Variants in ANKS1A observed in about 807,000 individuals in gnomAD.
The protein encoded by ANKS1A is ankyrin repeat and SAM domain-containing protein 1A.
Under a neutral mutation model 120.3 loss-of-function variants are expected in ANKS1A, and 55 were observed. That is an observed-to-expected ratio of 0.46 (90% CI 0.37 to 0.57). The LOEUF (loss-of-function observed/expected upper bound fraction) is 0.57, where lower values mean the gene tolerates loss of function less well. ANKS1A is among the 20% of genes least tolerant of loss of function. ANKS1A has a pLI of 0.00. For missense variants in ANKS1A, 1,123 were observed against 1,480.3 expected, an observed-to-expected ratio of 0.76 and a Z score of 3.96; for synonymous variants, 590 against 604.7, an observed-to-expected ratio of 0.98 and a Z score of 0.36.
chr6:34,989,288 A>G lies in ANKS1A; in HGVS notation c.1274A>G (p.Lys425Arg). The G allele has an allele frequency of 6.2e-7, 1 of 1,614,078 alleles. No individual in the cohort carries two copies. The highest frequency in any genetic ancestry group is 8.5e-7 in the Non-Finnish European group (1 of 1,179,930). Residue 425 changes from lysine (K) to arginine (R), a missense_variant, in exon 9 of 24, where the codon AAG becomes AGG. Around this residue, in one of 3 missense-constraint regions of ANKS1A, gnomAD observed 904 missense variants for 1,130.4 expected, o/e 0.80. Coordinates refer to ENST00000360359, the MANE Select transcript of ANKS1A (RefSeq NM_015245.3). ...PDEEEEDHIDKKYFPLTASEV... is the reference protein window; with the variant it reads ...PDEEEEDHIDRKYFPLTASEV... ...GAAGAGGAAGAAGACCACATAGATAAGAAGTATTTTCCCTTGACAGCTTCT... is the reference window on the plus strand; with the variant it reads ...GAAGAGGAAGAAGACCACATAGATAGGAAGTATTTTCCCTTGACAGCTTCT...
In ANKS1A at chr6:35,057,051, G is replaced by C. The variant is rs1281983091; in HGVS notation, c.2077+2886G>C. Among the ~76,000 whole-genome samples the C allele has an allele frequency of 2.0e-5, 3 of 152,070 alleles. No homozygotes were observed. Among genetic ancestry groups the C allele is most frequent in the African/African-American group, 7.2e-5 (3 of 41,416 alleles). On this transcript the variant is annotated intron_variant, in intron 12 of 23. Transcript: ENST00000360359. This position sits in a 1 kb window ranked among gnomAD's most constrained non-coding sequence, Gnocchi z 4.1. ...CTCTGGGGTTAGTCTGGGTAGAGGAGGAGCAGGCCCTCCAGCAGGCAGCCC... is the reference window on the plus strand; with the variant it reads ...CTCTGGGGTTAGTCTGGGTAGAGGACGAGCAGGCCCTCCAGCAGGCAGCCC...
chr6:34,889,736 C>A lies in ANKS1A; in HGVS notation c.197+137C>A. The A allele has an allele frequency of 8.8e-7, 1 of 1,136,882 alleles. No homozygotes were observed. The highest frequency in any genetic ancestry group is 1.1e-6 in the Non-Finnish European group (1 of 921,830). The allele number at this position is 1,136,882 out of a possible 1,614,324, so 70.4% of individuals were successfully genotyped here. On this transcript the variant is annotated intron_variant, in intron 1 of 23. Transcript: ENST00000360359. This position sits in a 1 kb window ranked among gnomAD's most constrained non-coding sequence, Gnocchi z 5.5. ...GCGTGCCCGGGGCGAGGCAGGCGGCCCGCGGGCCAGGGTACCGGAGGGCGC... is the reference window on the plus strand; with the variant it reads ...GCGTGCCCGGGGCGAGGCAGGCGGCACGCGGGCCAGGGTACCGGAGGGCGC...
intron 1 of ANKS1A, among the ~76,000 whole-genome samples, chr6:34,901,207 T>C (rs1767334827): frequency 6.6e-6 from 1 of 152,106 alleles, no homozygotes; most frequent in Admixed American, 6.6e-5. Context: ...TTTGAAGTTA[T>C]TTCCAACTCT....
rs72896227 is a variant in ANKS1A, at chr6:35,009,470, A to C, written c.1424-8003A>C. ...ATTAAATCCGGTTTCAAATGTGTTA[A>C]GTTTGAGGTGTTTTAGGTACCAGAG... On this transcript the variant is annotated intron_variant, in intron 10 of 23. Transcript: ENST00000360359. Among the ~76,000 whole-genome samples the C allele has an allele frequency of 9.9e-3, 1,507 of 152,222 alleles. 7 individuals are homozygous for C. The highest frequency in any genetic ancestry group is 0.016 in the Non-Finnish European group (1,059 of 68,014).
At chr6:34,962,728 G>A (rs1422432181) in intron 1 of ANKS1A, among the ~76,000 whole-genome samples, 1 of 151,832 alleles carries the variant, frequency 6.6e-6, no homozygotes, top group Non-Finnish European at 1.5e-5. Flanking sequence ...GGCAGAGGTT[G>A]CAGTGAGCCG....
chr6:35,055,333 A>AT (rs144716150), intron 12 of ANKS1A, among the ~76,000 whole-genome samples: 289 of 149,590 alleles, frequency 1.9e-3, no homozygotes, highest in Non-Finnish European at 2.8e-3. Context: ...ATAAAAAAAA[A>AT]TTTTTTTTTT....
At chr6:34,963,291 C>T (rs1770741955) in intron 1 of ANKS1A, among the ~76,000 whole-genome samples, 1 of 152,216 alleles carries the variant, frequency 6.6e-6, no homozygotes, top group African/African-American at 2.4e-5. Flanking sequence ...TCACCCCCTC[C>T]AGCTCCTGGT....
intron 11 of ANKS1A, among the ~76,000 whole-genome samples, chr6:35,037,998 C>T (rs1265392451): frequency 2.0e-5 from 3 of 151,996 alleles, no homozygotes; most frequent in Admixed American, 2.0e-4. Flanking sequence ...AATGAAAAAT[C>T]CTGGGGCACA....
At chr6:34,996,788 T>C (rs913241418) in intron 10 of ANKS1A, among the ~76,000 whole-genome samples, 44 of 152,132 alleles carry the variant, frequency 2.9e-4, no homozygotes, top group African/African-American at 9.4e-4. Context: ...TTTTCTATTT[T>C]TTTTGCTAAA....
intron 12 of ANKS1A, among the ~76,000 whole-genome samples, chr6:35,056,975 G>A (rs376465214): frequency 2.9e-4 from 44 of 152,088 alleles, no homozygotes; most frequent in African/African-American, 9.9e-4. Context: ...CAGTATCAGG[G>A]TTCAGATTGT....
At chr6:35,068,595 C>T (rs923762075) in intron 13 of ANKS1A, among the ~76,000 whole-genome samples, 11 of 152,190 alleles carry the variant, frequency 7.2e-5, no homozygotes, top group Middle Eastern at 3.2e-3. Flanking sequence ...AGGTTCTCCC[C>T]GCCACATACC....
chr6:34,934,040 G>A, intron 1 of ANKS1A, among the ~76,000 whole-genome samples: 1 of 152,142 alleles, frequency 6.6e-6, no homozygotes, highest in Non-Finnish European at 1.5e-5. Context: ...AGAATTAAAA[G>A]CTTTGTTTTT....
At chr6:35,059,888 C>T (rs918340285) in intron 12 of ANKS1A, among the ~76,000 whole-genome samples, 6 of 152,196 alleles carry the variant, frequency 3.9e-5, no homozygotes, top group African/African-American at 1.4e-4. Context: ...GGCCCTGGAG[C>T]AGCTCAGACC....
Position 34,906,335 on chromosome 6 carries a change from A to G in ANKS1A, c.197+16736A>G, listed in dbSNP as rs550870160. On this transcript the variant is annotated intron_variant, in intron 1 of 23. Transcript: ENST00000360359. ...GCCTGGTGCGAAAGGTCAAGAAGAG[A>G]AAGAGGTCTGTCTTCTCCCTTCATC... 2.6e-5 allele frequency among the ~76,000 whole-genome samples: 4 copies of G among 152,280 alleles called. No homozygotes were observed. In the South Asian group the frequency reaches 6.2e-4, roughly 24 times the overall value.
intron 9 of ANKS1A, 29 bp from the exon 10 acceptor site, chr6:34,994,273 A>C: frequency 6.2e-7 from 1 of 1,609,362 alleles, no homozygotes; most frequent in Non-Finnish European, 8.5e-7. Flanking sequence ...CCACATGCAC[A>C]AGATACACTG....
At chr6:35,035,204 AG>A (rs1297325195) in intron 11 of ANKS1A, among the ~76,000 whole-genome samples, 3 of 152,202 alleles carry the variant, frequency 2.0e-5, no homozygotes, top group African/African-American at 4.8e-5. Context: ...TGCTGGGTGC[AG>A]GGGGTAGAGT....
chr6:34,999,032 G>A (rs752846222), intron 10 of ANKS1A, among the ~76,000 whole-genome samples: 44 of 152,196 alleles, frequency 2.9e-4, no homozygotes, highest in Non-Finnish European at 4.4e-4. Context: ...GCAGGCCCCC[G>A]TGGAGGATCA....
intron 10 of ANKS1A, among the ~76,000 whole-genome samples, chr6:35,004,666 C>T (rs1166276101): frequency 2.6e-5 from 3 of 114,524 alleles, no homozygotes; most frequent in South Asian, 3.0e-4. Context: ...ACCTGTAATC[C>T]CAGTACTTTG....
intron 11 of ANKS1A, among the ~76,000 whole-genome samples, chr6:35,037,198 C>G (rs1271126226): frequency 6.6e-6 from 1 of 152,196 alleles, no homozygotes; most frequent in Non-Finnish European, 1.5e-5. Context: ...ATGAATATTA[C>G]CTAGGCAAAT....
Sources: allele counts gnomAD v4.1 joint callset (sites outside exome capture counted in the v4.1 genomes callset), GRCh38; gene constraint gnomAD v4.1.1; regional missense constraint gnomAD v4.1.1; non-coding constraint Gnocchi (gnomAD v3.1); transcripts MANE v1.5; gene names NCBI Gene and HGNC (gene_info 2026-07-23, HGNC 2026-07-21).